TRIM24: variants seen among roughly 807,000 people sequenced by gnomAD.
The protein encoded by TRIM24 is tripartite motif containing 24, also known as transcription intermediary factor 1-alpha.
A neutral mutation model predicts 123.9 loss-of-function variants in TRIM24; 29 were observed. The observed-to-expected ratio is 0.23, with a 90% CI of 0.17 to 0.32. TRIM24 has a LOEUF of 0.32. Ranked by LOEUF, TRIM24 falls within the 10% of genes least tolerant of loss-of-function variation. TRIM24 has a pLI of 1.00. For missense variants in TRIM24, 932 were observed against 1,295.3 expected, an observed-to-expected ratio of 0.72 and a Z score of 4.31; for synonymous variants, 456 against 461.1, an observed-to-expected ratio of 0.99 and a Z score of 0.14.
chr7:138,504,162 A>G, intron 1 of TRIM24, 128 bp from the exon 2 acceptor site: 3 of 495,748 alleles, frequency 6.1e-6, no homozygotes, highest in Non-Finnish European at 1.1e-5. Context: ...AATTGTTTTT[A>G]AGTGACAGCA....
chr7:138,508,722 T>TGC (rs1554436725), intron 2 of TRIM24, among the ~76,000 whole-genome samples: 196 of 124,314 alleles, frequency 1.6e-3, no homozygotes, highest in African/African-American at 5.5e-3. Flanking sequence ...TGTGTGTGCG[T>TGC]GTGTGTGTGT....
intron 14 of TRIM24, among the ~76,000 whole-genome samples, chr7:138,578,532 T>TTGTGTGTGTGTGTGTGTGTG (rs142839380): frequency 4.1e-5 from 6 of 146,790 alleles, no homozygotes; most frequent in African/African-American, 1.5e-4. Flanking sequence ...GGTGGTGGTT[T>TTGTGTGTGTGTGTGTGTGTG]TGTGTGTGTG....
chr7:138,567,493 C>T lies in TRIM24; in HGVS notation c.1543C>T (p.Arg515Cys), dbSNP rs184910801. 15 of 1,605,370 alleles carry T rather than the reference C, an allele frequency of 9.3e-6. No individual in the cohort carries two copies. Among genetic ancestry groups the T allele is most frequent in the East Asian group, 2.2e-5 (1 of 44,588 alleles). Residue 515 changes from arginine to cysteine, a missense_variant, in exon 10 of 19, where the codon CGT (arginine) becomes TGT (cysteine). Physicochemically the swap from Arg to Cys is radical, Grantham distance 180 (BLOSUM62 -3). This residue lies in a region of TRIM24 where 527 missense variants were observed against 691.3 expected (regional missense o/e 0.76). Coordinates refer to ENST00000343526, the MANE Select transcript of TRIM24 (RefSeq NM_015905.3). Reference sequence around the variant, plus strand: ...TTCTTTTTTCTAGCAACCGCCTCCACGTTTGATAAACTTTCAGAATCACAG... The same window carrying T: ...TTCTTTTTTCTAGCAACCGCCTCCATGTTTGATAAACTTTCAGAATCACAG... ...PSISHQQPPP[R>C]LINFQNHSPK...
At chr7:138,496,300 C>T (rs1046451155) in intron 1 of TRIM24, among the ~76,000 whole-genome samples, 1 of 152,126 alleles carries the variant, frequency 6.6e-6, no homozygotes, top group African/African-American at 2.4e-5. Flanking sequence ...TCCTGCATAT[C>T]TTTGGTTAAT....
intron 1 of TRIM24, among the ~76,000 whole-genome samples, chr7:138,466,927 C>T (rs531209717): frequency 3.8e-4 from 58 of 152,054 alleles, no homozygotes; most frequent in Non-Finnish European, 6.8e-4. Flanking sequence ...ATAGTTTTAG[C>T]TTTAAAATAT....
At chr7:138,496,007 T>C (rs1383203065) in intron 1 of TRIM24, among the ~76,000 whole-genome samples, 1 of 152,242 alleles carries the variant, frequency 6.6e-6, no homozygotes, top group Non-Finnish European at 1.5e-5. Flanking sequence ...GCTCTATCCA[T>C]AGTAAATCTT....
At chr7:138,523,482 G>A (rs771430965) in intron 4 of TRIM24, among the ~76,000 whole-genome samples, 4 of 152,124 alleles carry the variant, frequency 2.6e-5, no homozygotes, top group African/African-American at 4.8e-5. Flanking sequence ...TTGGCCGGGC[G>A]AGGTGGCTCA....
chr7:138,521,716 T>C (rs1473055579), intron 4 of TRIM24, among the ~76,000 whole-genome samples: 10 of 152,034 alleles, frequency 6.6e-5, no homozygotes, highest in Admixed American at 6.5e-4. Context: ...ATGAGAAATA[T>C]CTAAAAACTC....
chr7:138,572,064 G>A (rs1001813872), intron 11 of TRIM24, among the ~76,000 whole-genome samples: 1 of 152,136 alleles, frequency 6.6e-6, no homozygotes, highest in African/African-American at 2.4e-5. Flanking sequence ...TTACCTATAA[G>A]ATTGTGAAAA....
chr7:138,573,977 G>C (rs1797707895), intron 12 of TRIM24, among the ~76,000 whole-genome samples: 1 of 152,050 alleles, frequency 6.6e-6, no homozygotes. Context: ...AATATTTTTT[G>C]GTAGAGACAG....
At chr7:138,551,516 G>T (rs1189049128) in intron 8 of TRIM24, among the ~76,000 whole-genome samples, 2 of 152,172 alleles carry the variant, frequency 1.3e-5, no homozygotes, top group African/African-American at 4.8e-5. Flanking sequence ...GTTTTAAAAA[G>T]ACATGTTGTT....
chr7:138,524,262 A>G (rs1796565219), intron 4 of TRIM24, among the ~76,000 whole-genome samples: 1 of 152,168 alleles, frequency 6.6e-6, no homozygotes, highest in South Asian at 2.1e-4. Context: ...GAAAGCAGAA[A>G]ACGTACTTAA....
intron 1 of TRIM24, among the ~76,000 whole-genome samples, chr7:138,494,347 G>A (rs975588755): frequency 6.6e-6 from 1 of 152,054 alleles, no homozygotes; most frequent in Non-Finnish European, 1.5e-5. Flanking sequence ...TTGAACAGCT[G>A]GCCTCGAGTG....
chr7:138,552,124 A>G (rs1797224767), intron 8 of TRIM24, among the ~76,000 whole-genome samples: 1 of 152,178 alleles, frequency 6.6e-6, no homozygotes, highest in Non-Finnish European at 1.5e-5. Flanking sequence ...ATTCAGTACA[A>G]TTGCATGCTA....
chr7:138,509,462 G>C (rs1468352829), intron 2 of TRIM24, among the ~76,000 whole-genome samples: 1 of 150,778 alleles, frequency 6.6e-6, no homozygotes, highest in African/African-American at 2.4e-5. Flanking sequence ...CCAATACTTT[G>C]TGAGGCCGAG....
chr7:138,464,853 T>C lies in TRIM24; in HGVS notation c.364+3941T>C, dbSNP rs190515630. Reference sequence around the variant, plus strand: ...GGCCCCTCCCTCCTGAAAATCTGATTCTACCTAATCTGGCGTAGTTGCAGA... The same window carrying C: ...GGCCCCTCCCTCCTGAAAATCTGATCCTACCTAATCTGGCGTAGTTGCAGA... On this transcript the variant is annotated intron_variant, in intron 1 of 18. Coordinates refer to ENST00000343526, the MANE Select transcript of TRIM24 (RefSeq NM_015905.3). Among the ~76,000 whole-genome samples the C allele has an allele frequency of 5.9e-5, 9 of 152,326 alleles. No homozygotes were observed. The East Asian group carries it at 1.3e-3, about 23-fold the overall frequency.
At chr7:138,536,624 C>T (rs997651381) in intron 6 of TRIM24, among the ~76,000 whole-genome samples, 1 of 152,240 alleles carries the variant, frequency 6.6e-6, no homozygotes, top group South Asian at 2.1e-4. Context: ...CAGTCTGCCC[C>T]TACTGGGGGT....
At chr7:138,550,699 C>T (rs1797194001) in intron 7 of TRIM24, among the ~76,000 whole-genome samples, 1 of 152,168 alleles carries the variant, frequency 6.6e-6, no homozygotes. Flanking sequence ...TTCCCTGTAA[C>T]TCATTAGCCC....
chr7:138,470,123 ATTTTTTTTTTTTTT>A (rs10542175), intron 1 of TRIM24, among the ~76,000 whole-genome samples: 2 of 81,398 alleles, frequency 2.5e-5, no homozygotes, highest in Non-Finnish European at 2.4e-5. Flanking sequence ...TACAAGTATA[ATTTTTTTTTTTTTT>A]TTTTTTTTTT....
Sources: allele counts gnomAD v4.1 joint callset (sites outside exome capture counted in the v4.1 genomes callset), GRCh38; gene constraint gnomAD v4.1.1; regional missense constraint gnomAD v4.1.1; transcripts MANE v1.5; gene names NCBI Gene and HGNC (gene_info 2026-07-23, HGNC 2026-07-21).